SRCIN1: variants seen among roughly 807,000 people sequenced by gnomAD.
The protein encoded by SRCIN1 is SRC kinase signaling inhibitor 1, also known as P130Cas-associated protein.
In SRCIN1, 50 loss-of-function variants were observed where a neutral mutation model predicts 116.2. The observed-to-expected ratio is 0.43, with a 90% CI of 0.34 to 0.54. The LOEUF is 0.54. Ranked by LOEUF, SRCIN1 falls within the 20% of genes least tolerant of loss-of-function variation. SRCIN1 has a pLI of 0.02. For missense variants in SRCIN1, 1,446 were observed against 1,672.0 expected (o/e 0.86, Z 2.36); for synonymous variants, 736 against 750.0 (o/e 0.98, Z 0.30).
intron 15 of SRCIN1, among the ~76,000 whole-genome samples, chr17:38,550,290 C>G (rs557481349): frequency 3.9e-5 from 6 of 152,122 alleles, no homozygotes; most frequent in South Asian, 2.1e-4. Context: ...GTCAGGAGAT[C>G]GAGACCATCC....
chr17:38,573,685 C>G (rs1907235687), intron 2 of SRCIN1, among the ~76,000 whole-genome samples: 1 of 152,246 alleles, frequency 6.6e-6, no homozygotes, highest in African/African-American at 2.4e-5. Context: ...GGGAGGACCT[C>G]TGGGCAGACA....
rs759961409 is a variant in SRCIN1 at position 38,561,827 on chromosome 17, C to G, written c.1336G>C (p.Asp446His). 14 of 1,478,276 alleles carry G rather than the reference C, an allele frequency of 9.5e-6. No individual in the cohort carries two copies. In the Admixed American group the frequency reaches 3.2e-4, roughly 34 times the overall value. The allele number at this position is 1,478,276 out of a possible 1,614,324, so 91.6% of individuals were successfully genotyped here. ...GCCTTGTACAGGGAGTCCTCCAGAT[C>G]GGACTGCAGCGCGGCGGCCGAGTAG... The part of the protein sequence containing the change: ...STYSAAALQS[D>H]LEDSLYKAAG... The change falls in exon 7 of 19, where the codon GAT (aspartate) becomes CAT (histidine). Residue 446 changes from aspartate (D) to histidine (H), a missense_variant. Asp to His is a moderately conservative substitution (Grantham distance 81). Around this residue, in one of 5 missense-constraint regions of SRCIN1, gnomAD observed 398 missense variants for 385.6 expected, o/e 1.03. Transcript: ENST00000617146.
Position 38,568,250 on chromosome 17 carries a change from G to A in SRCIN1, c.325-19C>T, listed in dbSNP as rs748774483. ...AGTTTGGCTGCTGATGGAAATAAGA[G>A]AAGAGATGGTTATGAGGGGGCCCAG... On this transcript the variant is annotated intron_variant, in intron 2 of 18. Transcript: ENST00000617146. The surrounding 1 kb of genome is among the most constrained non-coding windows in gnomAD (Gnocchi z 4.5). 4.3e-6 allele frequency: 7 copies of A among 1,612,372 alleles called. No homozygotes were observed. Among genetic ancestry groups the A allele is most frequent in the Admixed American group, 1.7e-5 (1 of 59,832 alleles).
chr17:38,592,309 C>T (rs1908486233), intron 1 of SRCIN1, among the ~76,000 whole-genome samples: 2 of 152,170 alleles, frequency 1.3e-5, no homozygotes, highest in South Asian at 4.1e-4. Context: ...GAGGGCTGTG[C>T]TGGGGTGAGG....
chr17:38,595,073 C>A (rs922772358), intron 1 of SRCIN1, among the ~76,000 whole-genome samples: 2 of 152,132 alleles, frequency 1.3e-5, no homozygotes, highest in Admixed American at 1.3e-4. Flanking sequence ...AGGACAGGCC[C>A]CCACAGCCAG....
chr17:38,564,625 C>A (rs1328058149), intron 3 of SRCIN1, among the ~76,000 whole-genome samples: 1 of 152,022 alleles, frequency 6.6e-6, no homozygotes, highest in East Asian at 1.9e-4. Flanking sequence ...TTCCGAAGAA[C>A]AACACAAATT....
rs138036436 is a variant in SRCIN1, at chr17:38,562,378, C to T, written c.835-50G>A. 2.2e-6 allele frequency: 3 copies of T among 1,394,224 alleles called. No individual in the cohort carries two copies. The highest frequency in any genetic ancestry group is 3.0e-5 in the African/African-American group (2 of 65,766). The allele number at this position is 1,394,224 out of a possible 1,614,324, so 86.4% of individuals were successfully genotyped here. On this transcript the variant is annotated intron_variant, in intron 6 of 18. Transcript: ENST00000617146. The surrounding 1 kb of genome is among the most constrained non-coding windows in gnomAD (Gnocchi z 4.2). The stretch of plus-strand genomic sequence containing the variant: ...CCACGGGGCTGGTCACCAAGGACAC[C>T]CCTGTCCCTTGCTTGAGGAGCCAGC...
chr17:38,592,505 G>A (rs1908496457), intron 1 of SRCIN1, among the ~76,000 whole-genome samples: 1 of 152,206 alleles, frequency 6.6e-6, no homozygotes, highest in African/African-American at 2.4e-5. Flanking sequence ...ACAGGCAGAA[G>A]GACACAGCAA....
intron 18 of SRCIN1, chr17:38,541,949 CA>C: frequency 6.6e-6 from 1 of 152,520 alleles, no homozygotes; most frequent in Non-Finnish European, 1.5e-5. Context: ...GACTCCGTCT[CA>C]AAAAATAGAG....
At chr17:38,594,759 A>T (rs1045901275) in intron 1 of SRCIN1, among the ~76,000 whole-genome samples, 3 of 152,162 alleles carry the variant, frequency 2.0e-5, no homozygotes, top group African/African-American at 7.2e-5. Context: ...AAATGGCTGA[A>T]GTGGGGGTTT....
At chr17:38,554,351 T>A (rs549063876) in intron 11 of SRCIN1, among the ~76,000 whole-genome samples, 17 of 152,218 alleles carry the variant, frequency 1.1e-4, no homozygotes, top group Admixed American at 3.9e-4. Flanking sequence ...CCTCATCTCA[T>A]CTGGCTTCTG....
chr17:38,576,195 A>G (rs1907407197), intron 2 of SRCIN1, among the ~76,000 whole-genome samples: 1 of 152,094 alleles, frequency 6.6e-6, no homozygotes, highest in Admixed American at 6.5e-5. Flanking sequence ...AATCTCCCCA[A>G]AATAAGTCTG....
chr17:38,576,281 G>C (rs1007330780), intron 2 of SRCIN1, among the ~76,000 whole-genome samples: 1 of 151,946 alleles, frequency 6.6e-6, no homozygotes, highest in African/African-American at 2.4e-5. Context: ...ACCACACCAC[G>C]AGACACAAGC....
At chr17:38,533,616 G>GT (rs1190667029) in intron 18 of SRCIN1, among the ~76,000 whole-genome samples, 185 bp from the exon 19 acceptor site, 43 of 148,584 alleles carry the variant, frequency 2.9e-4, no homozygotes, top group African/African-American at 1.0e-3. Context: ...GGGCAGAAAA[G>GT]GGGGGGGAGG....
At chr17:38,577,451 T>C (rs1235827978) in intron 2 of SRCIN1, among the ~76,000 whole-genome samples, 6 of 152,204 alleles carry the variant, frequency 3.9e-5, no homozygotes, top group Admixed American at 1.3e-4. Flanking sequence ...AGCAGAAATG[T>C]GCCAATGTGT....
In SRCIN1 at chr17:38,601,437, G is replaced by A. The variant is rs570489023; in HGVS notation, c.22+4247C>T. ...TGGTCTGGTGGGTGTGAGGGGCAGT[G>A]CAAGGGCAGCATAGCACCTGGGGGG... On this transcript the variant is annotated intron_variant, in intron 1 of 18. Coordinates refer to ENST00000617146, the MANE Select transcript of SRCIN1 (RefSeq NM_025248.3). 2.6e-5 allele frequency among the ~76,000 whole-genome samples: 4 copies of A among 152,318 alleles called. No homozygotes were observed. The East Asian group carries it at 7.7e-4, about 29-fold the overall frequency.
In SRCIN1 at chr17:38,552,047, T is replaced by C. The variant is rs1905459166; in HGVS notation, c.2566A>G (p.Lys856Glu). Residue 856 changes from lysine (K) to glutamate (E), a missense_variant, in exon 14 of 19, where the codon AAG (lysine) becomes GAG (glutamate). Physicochemically the swap from Lys to Glu is moderately conservative, Grantham distance 56 (BLOSUM62 1). This residue lies in a region of SRCIN1 where 531 missense variants were observed against 633.9 expected (regional missense o/e 0.84). Transcript: ENST00000617146. The surrounding 1 kb of genome is among the most constrained non-coding windows in gnomAD (Gnocchi z 5.3). ...KKVTAETDFN[K>E]SVDFEMPPPS... ...GGTGGCATTTCGAAGTCCACGCTCT[T>C]GTTGAAGTCAGTCTCTGCCGTCACC... 1 of 1,613,638 alleles carries C rather than the reference T, an allele frequency of 6.2e-7. No homozygotes were observed.
At chr17:38,561,065 C>G (rs899838484) in intron 7 of SRCIN1, among the ~76,000 whole-genome samples, 1 of 152,218 alleles carries the variant, frequency 6.6e-6, no homozygotes, top group Admixed American at 6.5e-5. Context: ...ACCCTCCTCC[C>G]CAGTGGACTT....
intron 1 of SRCIN1, among the ~76,000 whole-genome samples, chr17:38,593,484 G>A (rs1908551636): frequency 6.6e-6 from 1 of 152,132 alleles, no homozygotes; most frequent in Non-Finnish European, 1.5e-5. Context: ...GTAGGGCTGA[G>A]GCTGCCCTGC....
Sources: gnomAD v4.1 joint callset for allele counts (sites outside exome capture counted in the v4.1 genomes callset) on GRCh38, gnomAD v4.1.1 for gene constraint, gnomAD v4.1.1 regional missense constraint, Gnocchi (gnomAD v3.1) non-coding constraint, MANE v1.5 for transcripts, NCBI Gene and HGNC (gene_info 2026-07-23, HGNC 2026-07-21) for gene names.